Variants in ATF7IP observed in about 807,000 individuals in gnomAD.
ATF7IP encodes the protein activating transcription factor 7-interacting protein 1.
A neutral mutation model predicts 106.4 loss-of-function variants in ATF7IP; 23 were observed. The ratio of observed to expected loss-of-function variants is 0.22; its 90% CI spans 0.16 to 0.31. The LOEUF (loss-of-function observed/expected upper bound fraction) is 0.31, where lower values mean the gene tolerates loss of function less well. ATF7IP is among the 10% of genes least tolerant of loss of function. ATF7IP has a pLI of 1.00. For synonymous variants in ATF7IP, 542 were observed against 539.0 expected (o/e 1.01, Z -0.08); for missense variants, 1,334 against 1,524.3 (o/e 0.88, Z 2.08).
At chr12:14,398,387 G>GTT (rs199525754) in intron 1 of ATF7IP, among the ~76,000 whole-genome samples, 27 of 144,364 alleles carry the variant, frequency 1.9e-4, no homozygotes, top group Admixed American at 6.9e-4. Flanking sequence ...ACATCTAAAA[G>GTT]TTTTTTTTTT....
intron 1 of ATF7IP, among the ~76,000 whole-genome samples, chr12:14,421,176 G>C (rs1203322183): frequency 1.3e-5 from 2 of 152,152 alleles, no homozygotes; most frequent in Non-Finnish European, 2.9e-5. Context: ...ACCTTTATCA[G>C]ATTTGAGTAA....
At chr12:14,496,143 T>C in intron 13 of ATF7IP, 88 bp from the exon 14 acceptor site, 1 of 791,440 alleles carries the variant, frequency 1.3e-6, no homozygotes, top group Non-Finnish European at 2.1e-6. Flanking sequence ...AAAACATTGC[T>C]TCACTGCCTT....
At chr12:14,388,889 C>G (rs1484492880) in intron 1 of ATF7IP, among the ~76,000 whole-genome samples, 1 of 152,188 alleles carries the variant, frequency 6.6e-6, no homozygotes, top group African/African-American at 2.4e-5. Flanking sequence ...ATCTGACCAC[C>G]TCAGCTTCCT....
intron 1 of ATF7IP, among the ~76,000 whole-genome samples, chr12:14,400,173 C>T (rs561200632): frequency 3.3e-5 from 5 of 152,276 alleles, no homozygotes; most frequent in African/African-American, 7.2e-5. Flanking sequence ...GTATTTGTAT[C>T]GCCTTGTCTC....
chr12:14,476,155 TC>T, intron 11 of ATF7IP, 187 bp downstream of exon 11: 1 of 497,620 alleles, frequency 2.0e-6, no homozygotes, highest in Non-Finnish European at 3.6e-6. Flanking sequence ...ACACCTGTAA[TC>T]CCAGTGCTTT....
At chr12:14,390,371 A>G (rs538694457) in intron 1 of ATF7IP, among the ~76,000 whole-genome samples, 48 of 152,330 alleles carry the variant, frequency 3.2e-4, no homozygotes, top group African/African-American at 1.0e-3. Context: ...AGGAGATCCA[A>G]TGGCATAACA....
chr12:14,378,992 G>T (rs908523509), intron 1 of ATF7IP, among the ~76,000 whole-genome samples: 1 of 152,098 alleles, frequency 6.6e-6, no homozygotes, highest in African/African-American at 2.4e-5. Context: ...ACTATATCTC[G>T]TACACAACTG....
chr12:14,427,447 C>T (rs535547750), intron 2 of ATF7IP, among the ~76,000 whole-genome samples: 1 of 152,222 alleles, frequency 6.6e-6, no homozygotes, highest in South Asian at 2.1e-4. Context: ...ACTGCAACCT[C>T]CGCCTCCCGG....
intron 13 of ATF7IP, 119 bp from the exon 14 acceptor site, chr12:14,496,112 T>G (rs1591981841): frequency 1.5e-6 from 1 of 663,178 alleles, no homozygotes; most frequent in East Asian, 2.8e-5. Flanking sequence ...AGGTTAGAAA[T>G]ATCTTTCCTT....
intron 1 of ATF7IP, among the ~76,000 whole-genome samples, chr12:14,382,602 G>C (rs796788106): frequency 4.6e-5 from 7 of 152,276 alleles, no homozygotes; most frequent in African/African-American, 1.4e-4. Flanking sequence ...CATATTAGTT[G>C]ACTTCTTCCT....
intron 1 of ATF7IP, among the ~76,000 whole-genome samples, chr12:14,371,005 T>G (rs984290115): frequency 3.3e-5 from 5 of 151,958 alleles, no homozygotes; most frequent in Non-Finnish European, 5.9e-5. Flanking sequence ...TTTATTTTAG[T>G]TTCCTTGGTA....
chr12:14,500,539 C>G lies in ATF7IP; in HGVS notation c.*2466C>G, dbSNP rs1332133435. On this transcript the variant is annotated 3_prime_UTR_variant, in exon 15 of 15. Coordinates refer to ENST00000261168, the MANE Select transcript of ATF7IP (RefSeq NM_018179.5). ...GTATATGAACACCTGTCTATATCTG[C>G]ATGTATATGTTTTGACCTGCAGTGG... The G allele has an allele frequency of 6.6e-6, 1 of 152,124 alleles. No homozygotes were observed. Among genetic ancestry groups the G allele is most frequent in the Non-Finnish European group, 1.5e-5 (1 of 68,026 alleles). The allele number at this position is 152,124 out of a possible 1,614,324, so 9.4% of individuals were successfully genotyped here.
chr12:14,380,748 T>C (rs1938970287), intron 1 of ATF7IP, among the ~76,000 whole-genome samples: 1 of 152,166 alleles, frequency 6.6e-6, no homozygotes, highest in Non-Finnish European at 1.5e-5. Flanking sequence ...GCCTCCCGAG[T>C]ACCTGGGATG....
chr12:14,438,873 C>T (rs1455387546), intron 5 of ATF7IP, among the ~76,000 whole-genome samples: 2 of 152,130 alleles, frequency 1.3e-5, no homozygotes, highest in Non-Finnish European at 2.9e-5. Context: ...ATTCCTGGAT[C>T]TAACTTAGTG....
chr12:14,484,472 C>T (rs962701852), intron 13 of ATF7IP, among the ~76,000 whole-genome samples: 2 of 152,170 alleles, frequency 1.3e-5, no homozygotes, highest in East Asian at 3.8e-4. Context: ...GGCCATCTAC[C>T]CTTCCAAGCA....
chr12:14,383,684 C>T (rs759812322), intron 1 of ATF7IP, among the ~76,000 whole-genome samples: 3 of 152,076 alleles, frequency 2.0e-5, no homozygotes, highest in Non-Finnish European at 2.9e-5. Flanking sequence ...TCTTGAGTAG[C>T]TGGAACTACA....
chr12:14,446,736 C>A (rs542337231), intron 5 of ATF7IP, among the ~76,000 whole-genome samples: 14 of 152,174 alleles, frequency 9.2e-5, no homozygotes, highest in African/African-American at 2.6e-4. Flanking sequence ...CTCAAAAGTT[C>A]GAGGAAGAAA....
intron 13 of ATF7IP, among the ~76,000 whole-genome samples, chr12:14,488,452 C>G (rs931622748): frequency 5.3e-5 from 8 of 152,184 alleles, no homozygotes; most frequent in Admixed American, 5.2e-4. Context: ...GCCTGTCTCT[C>G]CTTTTCACGT....
chr12:14,468,854 T>C (rs910729858), intron 10 of ATF7IP, among the ~76,000 whole-genome samples: 9 of 152,354 alleles, frequency 5.9e-5, no homozygotes, highest in East Asian at 1.9e-4. Flanking sequence ...ATTTTTGTTA[T>C]TGTGATGAAT....
Sources: allele counts gnomAD v4.1 joint callset (sites outside exome capture counted in the v4.1 genomes callset), GRCh38; gene constraint gnomAD v4.1.1; transcripts MANE v1.5; gene names NCBI Gene and HGNC (gene_info 2026-07-23, HGNC 2026-07-21).